SLC24A3: variants seen among roughly 807,000 people sequenced by gnomAD.
SLC24A3 encodes solute carrier family 24 member 3.
SLC24A3 carries 28 observed loss-of-function variants against 75.8 expected under a neutral mutation model. The observed-to-expected ratio is 0.37, with a 90% CI of 0.27 to 0.51. The LOEUF is 0.51. SLC24A3 is among the 20% of genes least tolerant of loss of function. The pLI is 0.94. For synonymous variants in SLC24A3, 372 were observed against 334.1 expected (o/e 1.11, Z -1.24); for missense variants, 663 against 847.8 (o/e 0.78, Z 2.71).
intron 2 of SLC24A3, among the ~76,000 whole-genome samples, chr20:19,511,328 A>AT (rs11478021): frequency 0.039 from 5,539 of 140,740 alleles, 165 homozygotes; most frequent in African/African-American, 0.086. Flanking sequence ...GCTTAGCTCA[A>AT]TTTTTTTTTT....
intron 2 of SLC24A3, among the ~76,000 whole-genome samples, chr20:19,476,072 C>T (rs945682854): frequency 6.6e-6 from 1 of 152,174 alleles, no homozygotes; most frequent in African/African-American, 2.4e-5. Flanking sequence ...GATGTAACAT[C>T]CTCCTTGATC....
chr20:19,392,596 G>A (rs1053170502), intron 2 of SLC24A3, among the ~76,000 whole-genome samples: 1 of 152,192 alleles, frequency 6.6e-6, no homozygotes, highest in Non-Finnish European at 1.5e-5. Flanking sequence ...AACTGAGGAT[G>A]TGCCCTGGCT....
intron 2 of SLC24A3, among the ~76,000 whole-genome samples, chr20:19,295,001 C>T (rs149639710): frequency 3.9e-4 from 59 of 152,294 alleles, no homozygotes; most frequent in African/African-American, 1.3e-3. Context: ...TGCATTCTAA[C>T]TGGCTCGAGA....
At chr20:19,262,703 G>T (rs1983032111) in intron 1 of SLC24A3, among the ~76,000 whole-genome samples, 1 of 152,174 alleles carries the variant, frequency 6.6e-6, no homozygotes, top group African/African-American at 2.4e-5. Context: ...ACTGGTGGAA[G>T]GGATCTTGAG....
At chr20:19,397,642 CTTTTCTTTT>C (rs1986478219) in intron 2 of SLC24A3, among the ~76,000 whole-genome samples, 1 of 89,938 alleles carries the variant, frequency 1.1e-5, no homozygotes, top group African/African-American at 5.1e-5. Flanking sequence ...CTTTTTTTTT[CTTTTCTTTT>C]TTTTTTTTTT....
intron 7 of SLC24A3, among the ~76,000 whole-genome samples, chr20:19,657,497 GAAATGATAATT>G (rs2032279485): frequency 6.6e-6 from 1 of 152,210 alleles, no homozygotes; most frequent in African/African-American, 2.4e-5. Context: ...CTGTTGCATA[GAAATGATAATT>G]TCTGGAGTCA....
At chr20:19,304,352 C>A (rs1326066043) in intron 2 of SLC24A3, among the ~76,000 whole-genome samples, 1 of 151,644 alleles carries the variant, frequency 6.6e-6, no homozygotes, top group African/African-American at 2.4e-5. Context: ...CTCGTAGTTT[C>A]CTCATCTTTC....
At chr20:19,634,978 G>T (rs78899145) in intron 6 of SLC24A3, among the ~76,000 whole-genome samples, 5,744 of 152,284 alleles carry the variant, frequency 0.038, 163 homozygotes, top group Non-Finnish European at 0.049. Context: ...TTAGGAAAAA[G>T]ATATTTGACT....
chr20:19,693,755 A>G (rs2032773530), intron 13 of SLC24A3: 1 of 228,462 alleles, frequency 4.4e-6, no homozygotes, highest in African/African-American at 2.2e-5. Context: ...ACCAGAGGCT[A>G]GCTACCTGGG....
intron 2 of SLC24A3, among the ~76,000 whole-genome samples, chr20:19,457,354 A>G (rs186978568): frequency 2.0e-5 from 3 of 152,350 alleles, no homozygotes; most frequent in Non-Finnish European, 4.4e-5. Flanking sequence ...AGGTTGGGTC[A>G]TTTTCAAGGA....
At chr20:19,256,296 A>G (rs564601283) in intron 1 of SLC24A3, among the ~76,000 whole-genome samples, 269 of 152,336 alleles carry the variant, frequency 1.8e-3, no homozygotes, top group African/African-American at 6.3e-3. Context: ...CCATAGAGAC[A>G]GAAAGCAGTT....
chr20:19,484,024 ATTTGCACACCTATG>A (rs1293203759), intron 2 of SLC24A3, among the ~76,000 whole-genome samples: 1 of 152,214 alleles, frequency 6.6e-6, no homozygotes, highest in Non-Finnish European at 1.5e-5. Flanking sequence ...TTGAAGAGAT[ATTTGCACACCTATG>A]TTAATGGGAG....
intron 6 of SLC24A3, 74 bp from the exon 7 acceptor site, chr20:19,653,988 T>G: frequency 1.5e-6 from 2 of 1,331,736 alleles, no homozygotes; most frequent in Non-Finnish European, 2.1e-6. Context: ...GGAAGCTGGC[T>G]AAACCTGCAA....
chr20:19,234,644 T>C (rs1330806384), intron 1 of SLC24A3, among the ~76,000 whole-genome samples: 1 of 152,194 alleles, frequency 6.6e-6, no homozygotes, highest in African/African-American at 2.4e-5. Flanking sequence ...GATGGTGGCT[T>C]TGCTGACTTC....
chr20:19,297,028 A>T (rs73284618), intron 2 of SLC24A3, among the ~76,000 whole-genome samples: 3,065 of 152,300 alleles, frequency 0.02, 42 homozygotes, highest in African/African-American at 0.031. Context: ...ATTTGGAAAC[A>T]TATAGAAAAC....
At chr20:19,252,643 C>CGGGGGGT (rs1555783963) in intron 1 of SLC24A3, among the ~76,000 whole-genome samples, 71 of 133,446 alleles carry the variant, frequency 5.3e-4, no homozygotes, top group African/African-American at 1.9e-3. Flanking sequence ...ATTGGAATGG[C>CGGGGGGT]GGGGGGGGGT....
intron 3 of SLC24A3, among the ~76,000 whole-genome samples, chr20:19,533,520 T>C (rs922029130): frequency 2.6e-5 from 4 of 152,130 alleles, no homozygotes; most frequent in African/African-American, 9.7e-5. Flanking sequence ...GCAATACCTA[T>C]GTGGAGCCAG....
chr20:19,613,968 C>T lies in SLC24A3; in HGVS notation c.612+28424C>T, dbSNP rs868615963. Among the ~76,000 whole-genome samples the T allele has an allele frequency of 5.3e-5, 8 of 152,298 alleles. No homozygotes were observed. The South Asian group carries it at 8.3e-4, about 16-fold the overall frequency. On this transcript the variant is annotated intron_variant, in intron 6 of 16. Transcript: ENST00000328041. ...CTTACACCACCCTTGTTTGTCCTGG[C>T]GCAGACTGTTGACATCCTTTTAAAT...
chr20:19,236,923 ACTCT>A (rs1274266085), intron 1 of SLC24A3, among the ~76,000 whole-genome samples: 1 of 150,866 alleles, frequency 6.6e-6, no homozygotes, highest in Non-Finnish European at 1.5e-5. Flanking sequence ...TATAAACCTC[ACTCT>A]ATTTTTCGGT....
Sources: allele counts gnomAD v4.1 joint callset (sites outside exome capture counted in the v4.1 genomes callset), GRCh38; gene constraint gnomAD v4.1.1; transcripts MANE v1.5; gene names NCBI Gene and HGNC (gene_info 2026-07-23, HGNC 2026-07-21).